RSRC1: variants seen among roughly 807,000 people sequenced by gnomAD.
RSRC1 encodes arginine and serine rich coiled-coil 1.
Under a neutral mutation model 49.1 loss-of-function variants are expected in RSRC1, and 39 were observed. The ratio of observed to expected loss-of-function variants is 0.79; its 90% CI spans 0.61 to 1.04. RSRC1 has a LOEUF of 1.04. RSRC1 is among the 50% of genes least tolerant of loss of function. The probability of loss-of-function intolerance (pLI) is 0.00; values close to 1 mark genes in which losing one functional copy is unlikely to be tolerated. For synonymous variants in RSRC1, 143 were observed against 130.8 expected, an observed-to-expected ratio of 1.09 and a Z score of -0.63; for missense variants, 388 against 402.4, an observed-to-expected ratio of 0.96 and a Z score of 0.31.
At chr3:158,154,189 A>G (rs1375060400) in intron 3 of RSRC1, among the ~76,000 whole-genome samples, 1 of 152,174 alleles carries the variant, frequency 6.6e-6, no homozygotes, top group Non-Finnish European at 1.5e-5. Context: ...TGTGTTTAAA[A>G]AACAATGTAC....
intron 4 of RSRC1, among the ~76,000 whole-genome samples, chr3:158,293,437 TC>T (rs1215889003): frequency 1.3e-5 from 2 of 152,134 alleles, no homozygotes; most frequent in African/African-American, 2.4e-5. Flanking sequence ...GGGAAACCCT[TC>T]TGAATCATTT....
intron 4 of RSRC1, chr3:158,225,552 A>G: frequency 3.1e-6 from 1 of 320,238 alleles, no homozygotes; most frequent in Non-Finnish European, 6.1e-6. Context: ...GTTAAAAAGT[A>G]AGATTTACAC....
At chr3:158,328,448 G>A (rs1729317142) in intron 5 of RSRC1, among the ~76,000 whole-genome samples, 1 of 152,076 alleles carries the variant, frequency 6.6e-6, no homozygotes, top group Non-Finnish European at 1.5e-5. Flanking sequence ...AAATCTCTCA[G>A]CATTTGCTTG....
At chr3:158,411,725 A>G (rs978568404) in intron 6 of RSRC1, among the ~76,000 whole-genome samples, 8 of 152,062 alleles carry the variant, frequency 5.3e-5, no homozygotes, top group African/African-American at 1.9e-4. Flanking sequence ...ATGGTTTACC[A>G]GCTTTTCATG....
At chr3:158,398,705 T>C (rs1001100158) in intron 6 of RSRC1, among the ~76,000 whole-genome samples, 4 of 152,180 alleles carry the variant, frequency 2.6e-5, no homozygotes, top group Non-Finnish European at 4.4e-5. Context: ...CTATAATCTA[T>C]AGTAGCTATC....
intron 5 of RSRC1, among the ~76,000 whole-genome samples, chr3:158,311,967 T>C (rs1728154383): frequency 6.6e-6 from 1 of 151,956 alleles, no homozygotes; most frequent in Non-Finnish European, 1.5e-5. Flanking sequence ...AAGGTAGCAT[T>C]GAGAAAGAGT....
intron 3 of RSRC1, among the ~76,000 whole-genome samples, chr3:158,172,206 T>G (rs1718920416): frequency 6.6e-6 from 1 of 152,284 alleles, no homozygotes; most frequent in African/African-American, 2.4e-5. Flanking sequence ...TTTTTAGATT[T>G]AAGAAACTCA....
At chr3:158,219,114 G>A (rs1301127603) in intron 4 of RSRC1, among the ~76,000 whole-genome samples, 1 of 151,576 alleles carries the variant, frequency 6.6e-6, no homozygotes, top group Non-Finnish European at 1.5e-5. Context: ...ATATGGAAGA[G>A]GAAGTGAGAA....
At chr3:158,250,383 A>G (rs1037307190) in intron 4 of RSRC1, among the ~76,000 whole-genome samples, 2 of 151,916 alleles carry the variant, frequency 1.3e-5, no homozygotes, top group Non-Finnish European at 2.9e-5. Context: ...TTTATGAGGA[A>G]CCTCCACACT....
At chr3:158,512,457 C>T (rs1241233551) in intron 7 of RSRC1, among the ~76,000 whole-genome samples, 2 of 151,824 alleles carry the variant, frequency 1.3e-5, no homozygotes, top group African/African-American at 4.8e-5. Context: ...GGGCTCTGTT[C>T]TGTTCCATTG....
chr3:158,197,964 T>G (rs1364373870), intron 3 of RSRC1, among the ~76,000 whole-genome samples: 1 of 152,192 alleles, frequency 6.6e-6, no homozygotes, highest in Non-Finnish European at 1.5e-5. Context: ...GAATGTATAT[T>G]CTGTTGATTT....
chr3:158,343,351 A>G (rs1578364462), intron 5 of RSRC1, among the ~76,000 whole-genome samples: 1 of 152,236 alleles, frequency 6.6e-6, no homozygotes, highest in Non-Finnish European at 1.5e-5. Flanking sequence ...AAGTCTACTT[A>G]TAGGAATACA....
intron 6 of RSRC1, among the ~76,000 whole-genome samples, chr3:158,436,641 G>A (rs1736056983): frequency 6.6e-6 from 1 of 151,740 alleles, no homozygotes; most frequent in Non-Finnish European, 1.5e-5. Context: ...TTTGTACATT[G>A]ATTTTTTAAG....
At chr3:158,231,137 C>CTTTTTTTTT (rs35368661) in intron 4 of RSRC1, among the ~76,000 whole-genome samples, 1 of 67,950 alleles carries the variant, frequency 1.5e-5, no homozygotes, top group Non-Finnish European at 2.5e-5. Flanking sequence ...TAGTCGTTAG[C>CTTTTTTTTT]TTTTTTTTTT....
chr3:158,358,533 T>C (rs1731283609), intron 6 of RSRC1, among the ~76,000 whole-genome samples: 1 of 152,234 alleles, frequency 6.6e-6, no homozygotes, highest in South Asian at 2.1e-4. Flanking sequence ...GTTTATTGTT[T>C]AGCCAGAACA....
At chr3:158,174,907 A>G (rs1180760609) in intron 3 of RSRC1, among the ~76,000 whole-genome samples, 1 of 151,994 alleles carries the variant, frequency 6.6e-6, no homozygotes, top group Non-Finnish European at 1.5e-5. Flanking sequence ...TGTATGTCCA[A>G]CTTGTTTATA....
chr3:158,289,833 T>A (rs1726809730), intron 4 of RSRC1, among the ~76,000 whole-genome samples: 1 of 152,184 alleles, frequency 6.6e-6, no homozygotes, highest in African/African-American at 2.4e-5. Flanking sequence ...CTGTACCTTC[T>A]TGCAAATAGA....
intron 6 of RSRC1, among the ~76,000 whole-genome samples, chr3:158,359,631 G>A (rs1458097026): frequency 2.6e-5 from 4 of 152,164 alleles, no homozygotes; most frequent in Admixed American, 6.5e-5. Flanking sequence ...CCCAGGAACT[G>A]CAGGGTCCCA....
chr3:158,228,749 T>TTATATATGTGTGTGTGTATA (rs1318448757), intron 4 of RSRC1, among the ~76,000 whole-genome samples: 1 of 151,444 alleles, frequency 6.6e-6, no homozygotes, highest in South Asian at 2.2e-4. Context: ...GGGCTGTTGT[T>TTATATATGTGTGTGTGTATA]TATATATGTG....
Sources: allele counts gnomAD v4.1 joint callset (sites outside exome capture counted in the v4.1 genomes callset), GRCh38; gene constraint gnomAD v4.1.1; transcripts MANE v1.5; gene names NCBI Gene and HGNC (gene_info 2026-07-23, HGNC 2026-07-21).